Variants in THSD4 observed in about 807,000 individuals in gnomAD.
THSD4 encodes thrombospondin type 1 domain containing 4, also known as thrombospondin type-1 domain-containing protein 4.
THSD4 carries 69 observed loss-of-function variants against 119.0 expected under a neutral mutation model. That is an observed-to-expected ratio of 0.58 (90% CI 0.48 to 0.71). The LOEUF (loss-of-function observed/expected upper bound fraction) is 0.71, where lower values mean the gene tolerates loss of function less well. THSD4 is among the 30% of genes least tolerant of loss of function. THSD4 has a pLI of 0.00. For synonymous variants in THSD4, 524 were observed against 540.4 expected (o/e 0.97, Z 0.42); for missense variants, 1,393 against 1,391.1 (o/e 1.00, Z -0.02).
chr15:71,682,404 C>T (rs970929202), intron 8 of THSD4, among the ~76,000 whole-genome samples: 2 of 152,192 alleles, frequency 1.3e-5, no homozygotes, highest in Non-Finnish European at 2.9e-5. Flanking sequence ...AGAAATAGAA[C>T]TTGATCAGCT....
intron 4 of THSD4, among the ~76,000 whole-genome samples, chr15:71,221,354 C>T (rs4777344): frequency 1 from 151,811 of 152,334 alleles, 75,647 homozygotes; most frequent in Middle Eastern, 1. Flanking sequence ...CATACTGTTA[C>T]GCTACCATCA....
intron 3 of THSD4, chr15:71,186,703 G>C (rs2043608163): frequency 6.6e-6 from 1 of 152,208 alleles, no homozygotes; most frequent in African/African-American, 2.4e-5. Context: ...GTTCAAGTCT[G>C]TATTCCCAGA....
At chr15:71,502,242 T>C (rs2048123091) in intron 7 of THSD4, among the ~76,000 whole-genome samples, 1 of 152,178 alleles carries the variant, frequency 6.6e-6, no homozygotes, top group African/African-American at 2.4e-5. Flanking sequence ...TTGGATCTGG[T>C]TAGAGATGCT....
chr15:71,150,120 C>A (rs1023742317), intron 2 of THSD4, among the ~76,000 whole-genome samples: 5 of 152,080 alleles, frequency 3.3e-5, no homozygotes, highest in Non-Finnish European at 7.4e-5. Flanking sequence ...GCCAAAGGCC[C>A]TGGTAGCCTT....
chr15:71,414,224 C>T (rs2046727665), intron 7 of THSD4, among the ~76,000 whole-genome samples: 1 of 152,216 alleles, frequency 6.6e-6, no homozygotes, highest in South Asian at 2.1e-4. Flanking sequence ...GACCGTATAA[C>T]AGGGTTTGGC....
chr15:71,746,159 G>T (rs1265740964), intron 12 of THSD4, among the ~76,000 whole-genome samples: 1 of 152,190 alleles, frequency 6.6e-6, no homozygotes, highest in African/African-American at 2.4e-5. Flanking sequence ...GAAAAATAAT[G>T]CTAGAATAAG....
chr15:71,591,480 C>T (rs942591210), intron 7 of THSD4, among the ~76,000 whole-genome samples: 7 of 152,222 alleles, frequency 4.6e-5, no homozygotes, highest in Non-Finnish European at 5.9e-5. Context: ...ATCCTCTTGG[C>T]TGACTCCCAT....
At chr15:71,103,939 C>T (rs2141340385) in intron 1 of THSD4, among the ~76,000 whole-genome samples, 1 of 152,284 alleles carries the variant, frequency 6.6e-6, no homozygotes, top group South Asian at 2.1e-4. Context: ...CTGGCTGATA[C>T]TGGGAGGGAA....
intron 6 of THSD4, among the ~76,000 whole-genome samples, chr15:71,370,157 T>C (rs933240795): frequency 1.3e-5 from 2 of 152,166 alleles, no homozygotes; most frequent in African/African-American, 4.8e-5. Flanking sequence ...ATTGTGTCTA[T>C]TTGATTCTTC....
At chr15:71,348,036 A>G (rs1596356056) in intron 6 of THSD4, 1 of 152,334 alleles carries the variant, frequency 6.6e-6, no homozygotes, top group East Asian at 1.9e-4. Flanking sequence ...TGCAAAGGGA[A>G]CAGAGTGTTT....
At chr15:71,607,022 G>A (rs188359723) in intron 7 of THSD4, among the ~76,000 whole-genome samples, 1 of 152,322 alleles carries the variant, frequency 6.6e-6, no homozygotes, top group East Asian at 1.9e-4. Context: ...GTATTGGTAG[G>A]AAAAGATGGG....
intron 6 of THSD4, among the ~76,000 whole-genome samples, chr15:71,334,837 C>G (rs933263799): frequency 2.6e-5 from 4 of 152,198 alleles, no homozygotes; most frequent in African/African-American, 7.2e-5. Context: ...AAGGAAGATG[C>G]ACATCTTTCA....
Position 71,315,456 on chromosome 15 carries a change from C to T in THSD4, c.1015+58741C>T, listed in dbSNP as rs529733406. Among the ~76,000 whole-genome samples, 4 of 152,334 alleles carry T rather than the reference C, an allele frequency of 2.6e-5. No homozygotes were observed. In the East Asian group the frequency reaches 5.8e-4, roughly 22 times the overall value. ...TGCATGACACTCCGTCTTCTCTACT[C>T]CACCATGGCCACCTCTTGTTAATGT... On this transcript the variant is annotated intron_variant, in intron 6 of 17. Transcript: ENST00000261862.
At chr15:71,663,373 T>C (rs1475556453) in intron 8 of THSD4, among the ~76,000 whole-genome samples, 1 of 152,108 alleles carries the variant, frequency 6.6e-6, no homozygotes, top group Non-Finnish European at 1.5e-5. Flanking sequence ...AAATATTACA[T>C]AAGGTCCCGT....
At chr15:71,149,475 G>C (rs1379251343) in intron 2 of THSD4, among the ~76,000 whole-genome samples, 1 of 151,958 alleles carries the variant, frequency 6.6e-6, no homozygotes, top group Non-Finnish European at 1.5e-5. Flanking sequence ...TCTCGAACTT[G>C]TGACCTCAAG....
chr15:71,283,832 G>T (rs1452491727), intron 6 of THSD4, among the ~76,000 whole-genome samples: 4 of 152,286 alleles, frequency 2.6e-5, no homozygotes, highest in African/African-American at 4.8e-5. Context: ...CTGCATTGCT[G>T]GGTTTGGGGG....
chr15:71,739,107 A>C (rs962034583), intron 11 of THSD4, among the ~76,000 whole-genome samples: 15 of 145,404 alleles, frequency 1.0e-4, no homozygotes, highest in African/African-American at 3.2e-4. Context: ...AGAAAAAAAA[A>C]AAAAAAACAA....
At chr15:71,721,317 G>A (rs1199294202) in intron 8 of THSD4, among the ~76,000 whole-genome samples, 1 of 152,128 alleles carries the variant, frequency 6.6e-6, no homozygotes, top group Non-Finnish European at 1.5e-5. Context: ...GACCATCCTG[G>A]CCAACATGGT....
At chr15:71,614,955 G>A (rs906901757) in intron 7 of THSD4, among the ~76,000 whole-genome samples, 2 of 152,152 alleles carry the variant, frequency 1.3e-5, no homozygotes, top group South Asian at 4.1e-4. Flanking sequence ...TTCCCTCCAC[G>A]AGTTCTTAGA....
Sources: gnomAD v4.1 joint callset for allele counts (sites outside exome capture counted in the v4.1 genomes callset) on GRCh38, gnomAD v4.1.1 for gene constraint, MANE v1.5 for transcripts, NCBI Gene and HGNC (gene_info 2026-07-23, HGNC 2026-07-21) for gene names.